Variants in TMEM132D observed in about 807,000 individuals in gnomAD.
TMEM132D encodes mature OL transmembrane protein.
TMEM132D carries 21 observed loss-of-function variants against 62.3 expected under a neutral mutation model. The ratio of observed to expected loss-of-function variants is 0.34; its 90% confidence interval spans 0.24 to 0.49. The LOEUF (loss-of-function observed/expected upper bound fraction) is 0.49, where lower values mean the gene tolerates loss of function less well. Among genes scored for constraint, TMEM132D ranks in the 20% least tolerant of loss-of-function variants. The probability of loss-of-function intolerance (pLI) is 0.99; values close to 1 mark genes in which losing one functional copy is unlikely to be tolerated. For synonymous variants in TMEM132D, 621 were observed against 575.6 expected, an observed-to-expected ratio of 1.08 and a Z score of -1.13; for missense variants, 1,346 against 1,402.8, an observed-to-expected ratio of 0.96 and a Z score of 0.65.
intron 1 of TMEM132D, among the ~76,000 whole-genome samples, chr12:129,848,688 C>T (rs988344806): frequency 2.6e-5 from 4 of 152,088 alleles, no homozygotes; most frequent in African/African-American, 9.7e-5. Context: ...TTTAATTTCT[C>T]CTGTTTCTCA....
chr12:129,486,418 C>T (rs113944018), intron 3 of TMEM132D, among the ~76,000 whole-genome samples: 100 of 152,282 alleles, frequency 6.6e-4, no homozygotes, highest in African/African-American at 2.3e-3. Context: ...ATACATGTCA[C>T]GGGTGGGCCT....
rs764607174 is a variant in TMEM132D at position 129,531,186 on chromosome 12, C to T, written c.988G>A (p.Val330Met). ...FTLRAKVKKG[V>M]NIIGVRASSP... The stretch of plus-strand genomic sequence containing the variant: ...CTGGCTCGCACGCCGATGATGTTCA[C>T]GCCTTTCTTCACCTTTGCCCTGTTG... The change falls in exon 3 of 9, where the codon GTG (valine) becomes ATG (methionine). Residue 330 changes from valine to methionine, a missense_variant. Physicochemically the swap from Val to Met is conservative, Grantham distance 21. Coordinates refer to ENST00000422113, the MANE Select transcript of TMEM132D (RefSeq NM_133448.3). 71 of 1,611,992 alleles carry T rather than the reference C, an allele frequency of 4.4e-5. No homozygotes were observed. Among genetic ancestry groups the T allele is most frequent in the Non-Finnish European group, 5.3e-5 (63 of 1,179,542 alleles).
intron 5 of TMEM132D, among the ~76,000 whole-genome samples, chr12:129,192,798 C>T (rs763091416): frequency 1.8e-4 from 28 of 152,210 alleles, no homozygotes; most frequent in South Asian, 1.0e-3. Flanking sequence ...GGTAGCTGGG[C>T]GCCTCGTTTT....
chr12:129,762,820 A>G (rs184108882), intron 1 of TMEM132D, among the ~76,000 whole-genome samples: 34 of 152,292 alleles, frequency 2.2e-4, no homozygotes, highest in Non-Finnish European at 3.7e-4. Context: ...GGAGGAGCTG[A>G]AAAAGCTGTC....
At chr12:129,422,727 T>C (rs930678980) in intron 3 of TMEM132D, among the ~76,000 whole-genome samples, 2 of 152,176 alleles carry the variant, frequency 1.3e-5, no homozygotes, top group African/African-American at 4.8e-5. Flanking sequence ...TAAGGATAAG[T>C]GCAGAATTAT....
chr12:129,599,062 G>C (rs1004014582), intron 2 of TMEM132D, among the ~76,000 whole-genome samples: 16 of 152,152 alleles, frequency 1.1e-4, no homozygotes, highest in Non-Finnish European at 5.9e-5. Flanking sequence ...GCAAGCCCAG[G>C]TTTCTGGCAG....
At chr12:129,097,360 T>C (rs1421277495) in intron 5 of TMEM132D, among the ~76,000 whole-genome samples, 1 of 152,276 alleles carries the variant, frequency 6.6e-6, no homozygotes, top group African/African-American at 2.4e-5. Flanking sequence ...TTTATGACTC[T>C]CTGTTAGACA....
chr12:129,487,041 G>C (rs112525296), intron 3 of TMEM132D, among the ~76,000 whole-genome samples: 203 of 151,702 alleles, frequency 1.3e-3, no homozygotes, highest in African/African-American at 4.5e-3. Flanking sequence ...TGGGGGGGGG[G>C]GTTGTGGGTG....
intron 2 of TMEM132D, among the ~76,000 whole-genome samples, chr12:129,685,797 A>G (rs1166552376): frequency 1.3e-5 from 2 of 152,140 alleles, no homozygotes; most frequent in African/African-American, 4.8e-5. Context: ...GAACGGACCT[A>G]CCCAAGGCCA....
intron 4 of TMEM132D, among the ~76,000 whole-genome samples, chr12:129,225,128 G>A (rs1013783959): frequency 2.0e-5 from 3 of 152,144 alleles, no homozygotes; most frequent in East Asian, 1.9e-4. Flanking sequence ...CACTGTGTCT[G>A]TTTTCTCATC....
At chr12:129,283,440 C>A (rs1277463461) in intron 4 of TMEM132D, among the ~76,000 whole-genome samples, 2 of 152,178 alleles carry the variant, frequency 1.3e-5, no homozygotes, top group African/African-American at 4.8e-5. Flanking sequence ...GATCCTCCCA[C>A]CTCAGCCTCC....
intron 3 of TMEM132D, among the ~76,000 whole-genome samples, chr12:129,486,126 C>G (rs991817832): frequency 2.0e-5 from 3 of 152,190 alleles, no homozygotes; most frequent in Non-Finnish European, 2.9e-5. Flanking sequence ...GAAGACTGAT[C>G]GGTGTCGGTA....
At chr12:129,901,538 C>T (rs898112173) in intron 1 of TMEM132D, among the ~76,000 whole-genome samples, 4 of 152,210 alleles carry the variant, frequency 2.6e-5, no homozygotes, top group Non-Finnish European at 5.9e-5. Context: ...CAAAATATGT[C>T]ATATGCTAGG....
chr12:129,394,488 G>A (rs538372529), intron 3 of TMEM132D, among the ~76,000 whole-genome samples: 3 of 152,270 alleles, frequency 2.0e-5, no homozygotes, highest in Non-Finnish European at 2.9e-5. Flanking sequence ...ACACCTCTCC[G>A]GGCCTGCGTG....
At chr12:129,379,277 A>G (rs1870870077) in intron 3 of TMEM132D, among the ~76,000 whole-genome samples, 1 of 152,166 alleles carries the variant, frequency 6.6e-6, no homozygotes. Context: ...TAAGAACAGA[A>G]GAAGGAAAGA....
chr12:129,106,955 T>G (rs1875521325), intron 5 of TMEM132D, among the ~76,000 whole-genome samples: 2 of 152,162 alleles, frequency 1.3e-5, no homozygotes, highest in Non-Finnish European at 2.9e-5. Context: ...TGTGGAAGGA[T>G]GCTGAGATTC....
chr12:129,528,055 G>A (rs2137086865), intron 3 of TMEM132D, among the ~76,000 whole-genome samples: 1 of 152,262 alleles, frequency 6.6e-6, no homozygotes, highest in South Asian at 2.1e-4. Context: ...TGACTCTCAA[G>A]CTAATTAACA....
intron 1 of TMEM132D, among the ~76,000 whole-genome samples, chr12:129,804,010 T>G (rs1427713817): frequency 1.7e-4 from 20 of 117,150 alleles, no homozygotes; most frequent in Admixed American, 1.7e-3. Context: ...AATCTCTGAA[T>G]AGACCAATAA....
intron 2 of TMEM132D, among the ~76,000 whole-genome samples, chr12:129,583,350 A>C (rs2137128553): frequency 6.6e-6 from 1 of 152,274 alleles, no homozygotes; most frequent in Non-Finnish European, 1.5e-5. Flanking sequence ...GGAGGTGAGG[A>C]TTTCACTAAG....
Sources: allele counts gnomAD v4.1 joint callset (sites outside exome capture counted in the v4.1 genomes callset), GRCh38; gene constraint gnomAD v4.1.1; transcripts MANE v1.5; gene names NCBI Gene and HGNC (gene_info 2026-07-23, HGNC 2026-07-21).